KCNJ6: variants seen among roughly 807,000 people sequenced by gnomAD.
The protein encoded by KCNJ6 is G protein-activated inward rectifier potassium channel 2.
KCNJ6 carries 9 observed loss-of-function variants against 34.2 expected under a neutral mutation model. That is an observed-to-expected ratio of 0.26 (90% CI 0.16 to 0.46). The LOEUF (loss-of-function observed/expected upper bound fraction) is 0.46, where lower values mean the gene tolerates loss of function less well. Among genes scored for constraint, KCNJ6 ranks in the 20% least tolerant of loss-of-function variants. The pLI, the probability that KCNJ6 is intolerant of heterozygous loss-of-function variation, is 1.00. For missense variants in KCNJ6, 236 were observed against 531.3 expected (o/e 0.44, Z 5.46); for synonymous variants, 196 against 207.1 (o/e 0.95, Z 0.46).
chr21:37,755,091 C>T (rs529531733), intron 2 of KCNJ6, among the ~76,000 whole-genome samples: 1 of 152,080 alleles, frequency 6.6e-6, no homozygotes, highest in Admixed American at 6.6e-5. Flanking sequence ...AGGACCCGAG[C>T]GAGACCCAGT....
rs1466013211 is a variant in KCNJ6, at chr21:37,622,559, C to T, written c.*2600G>A. 1 of 152,214 alleles carries T rather than the reference C, an allele frequency of 6.6e-6. No homozygotes were observed. Among genetic ancestry groups the T allele is most frequent in the East Asian group, 1.9e-4 (1 of 5,192 alleles). The allele number at this position is 152,214 out of a possible 1,614,324, so 9.4% of individuals were successfully genotyped here. A position where few individuals can be genotyped will look rare whatever the true frequency, so the allele number is the denominator to read the frequency against. ...TCAGGAGCATCCCCATGTAAAGATT[C>T]AGAGGCTCACATTACAAAAACGAGA... On this transcript the variant is annotated 3_prime_UTR_variant, in exon 4 of 4. Transcript: ENST00000609713.
chr21:37,770,342 A>C (rs1568842380), intron 2 of KCNJ6, among the ~76,000 whole-genome samples: 1 of 150,842 alleles, frequency 6.6e-6, no homozygotes. Context: ...GGTGCTCTAC[A>C]CTCTAAAAGA....
At chr21:37,656,943 CAAAGA>C (rs1187979034) in intron 3 of KCNJ6, among the ~76,000 whole-genome samples, 6 of 152,312 alleles carry the variant, frequency 3.9e-5, no homozygotes, top group African/African-American at 1.4e-4. Flanking sequence ...CCTTCCCACC[CAAAGA>C]AAAGTTCCAG....
chr21:37,795,106 T>A (rs2055234960), intron 2 of KCNJ6, among the ~76,000 whole-genome samples: 1 of 152,180 alleles, frequency 6.6e-6, no homozygotes, highest in Non-Finnish European at 1.5e-5. Context: ...TGTATATTCA[T>A]AATACAGATA....
chr21:37,914,641 T>C (rs2123657637), intron 1 of KCNJ6, among the ~76,000 whole-genome samples: 1 of 152,354 alleles, frequency 6.6e-6, no homozygotes, highest in Non-Finnish European at 1.5e-5. Context: ...AGACTCGAGC[T>C]CTTTTTCTTT....
chr21:37,866,134 G>A (rs2055621641), intron 1 of KCNJ6, among the ~76,000 whole-genome samples: 1 of 152,074 alleles, frequency 6.6e-6, no homozygotes, highest in Admixed American at 6.6e-5. Flanking sequence ...TTTAAACGCT[G>A]GCTTGAAGCT....
intron 3 of KCNJ6, among the ~76,000 whole-genome samples, chr21:37,702,099 G>C (rs546955115): frequency 6.6e-6 from 1 of 151,994 alleles, no homozygotes; most frequent in South Asian, 2.1e-4. Flanking sequence ...TGGGCGTGGT[G>C]GTGGGCGCCT....
intron 3 of KCNJ6, among the ~76,000 whole-genome samples, chr21:37,629,782 A>T (rs2054325841): frequency 6.6e-6 from 1 of 152,218 alleles, no homozygotes; most frequent in Non-Finnish European, 1.5e-5. Flanking sequence ...TTCTATAGGG[A>T]GAGGAAAATA....
chr21:37,869,479 G>A (rs916984264), intron 1 of KCNJ6, among the ~76,000 whole-genome samples: 3 of 152,198 alleles, frequency 2.0e-5, no homozygotes, highest in Admixed American at 6.5e-5. Context: ...CTTGGATCTG[G>A]TTAAGCTGGA....
At chr21:37,798,210 G>A (rs1044136719) in intron 2 of KCNJ6, among the ~76,000 whole-genome samples, 1 of 152,136 alleles carries the variant, frequency 6.6e-6, no homozygotes, top group Non-Finnish European at 1.5e-5. Flanking sequence ...CGTGGTTGGT[G>A]GGTGGTTGAG....
chr21:37,895,689 C>T (rs1488099462), intron 1 of KCNJ6, among the ~76,000 whole-genome samples: 1 of 152,156 alleles, frequency 6.6e-6, no homozygotes, highest in Non-Finnish European at 1.5e-5. Context: ...TAAAGAGGAA[C>T]ATTGGAATGA....
intron 1 of KCNJ6, among the ~76,000 whole-genome samples, chr21:37,875,058 G>A (rs762326194): frequency 9.9e-5 from 15 of 152,134 alleles, no homozygotes; most frequent in South Asian, 2.1e-4. Flanking sequence ...TGTTTCCGAC[G>A]ATTGGCGAGG....
At chr21:37,867,748 G>T (rs926633238) in intron 1 of KCNJ6, among the ~76,000 whole-genome samples, 19 of 152,166 alleles carry the variant, frequency 1.2e-4, no homozygotes, top group African/African-American at 4.6e-4. Context: ...AAGGTTACAC[G>T]GTAAATATAT....
At chr21:37,839,506 G>A (rs184884002) in intron 2 of KCNJ6, among the ~76,000 whole-genome samples, 99 of 152,338 alleles carry the variant, frequency 6.5e-4, no homozygotes, top group African/African-American at 2.0e-3. Flanking sequence ...AGGAAGACCT[G>A]TATTTAATAG....
intron 3 of KCNJ6, among the ~76,000 whole-genome samples, chr21:37,659,771 C>G (rs996432086): frequency 1.9e-4 from 29 of 152,238 alleles, no homozygotes; most frequent in African/African-American, 6.8e-4. Flanking sequence ...CTAACGTTTG[C>G]TGCTTCAGGA....
chr21:37,707,712 A>AGTGTGTGTGTGTGTGTGTGTGTGTGTGT (rs1556022131), intron 3 of KCNJ6, among the ~76,000 whole-genome samples: 9 of 132,868 alleles, frequency 6.8e-5, no homozygotes, highest in African/African-American at 1.1e-4. Flanking sequence ...TTAGCTGTTT[A>AGTGTGTGTGTGTGTGTGTGTGTGTGTGT]GTATCTGTGC....
At chr21:37,709,853 G>A (rs2054741938) in intron 3 of KCNJ6, among the ~76,000 whole-genome samples, 1 of 152,170 alleles carries the variant, frequency 6.6e-6, no homozygotes, top group African/African-American at 2.4e-5. Flanking sequence ...GCTTTTCTGT[G>A]GTGAAGGATG....
At position 37,617,069 on chromosome 21, in the gene KCNJ6, TTTCTTTTC is replaced by T. The variant is rs2054273317; in HGVS notation, c.*8082_*8089del. On this transcript the variant is annotated 3_prime_UTR_variant, in exon 4 of 4. Transcript: ENST00000609713. The stretch of plus-strand genomic sequence containing the variant: ...CTTTCTTTCTTTTCTTTTCTTTTCT[TTTCTTTTC>T]TTTCTTTTTCTTTCTTTCTTTTCTT... The T allele has an allele frequency of 1.7e-5, 2 of 120,514 alleles. No individual in the cohort carries two copies. The highest frequency in any genetic ancestry group is 5.8e-5 in the African/African-American group (2 of 34,216). The allele number at this position is 120,514 out of a possible 1,614,324, so 7.5% of individuals were successfully genotyped here. A position where few individuals can be genotyped will look rare whatever the true frequency, so the allele number is the denominator to read the frequency against.
intron 2 of KCNJ6, among the ~76,000 whole-genome samples, chr21:37,767,317 C>T (rs1419330238): frequency 6.6e-6 from 1 of 152,148 alleles, no homozygotes; most frequent in Non-Finnish European, 1.5e-5. Context: ...GTTTGGCGTT[C>T]GAATCTATGA....
Sources: gnomAD v4.1 joint callset for allele counts (sites outside exome capture counted in the v4.1 genomes callset) on GRCh38, gnomAD v4.1.1 for gene constraint, MANE v1.5 for transcripts, NCBI Gene and HGNC (gene_info 2026-07-23, HGNC 2026-07-21) for gene names.